The following LRP1B variants were observed in gnomAD, a reference collection of about 807,000 sequenced individuals.
LRP1B encodes the protein LDL receptor related protein 1B, also known as low-density lipoprotein receptor-related protein 1B.
In LRP1B, 217 loss-of-function variants were observed where a neutral mutation model predicts 556.6. The ratio of observed to expected loss-of-function variants is 0.39; its 90% CI spans 0.35 to 0.44. The LOEUF (loss-of-function observed/expected upper bound fraction) is 0.44. Ranked by LOEUF, LRP1B falls within the 20% of genes least tolerant of loss-of-function variation. The pLI, the probability that LRP1B is intolerant of heterozygous loss-of-function variation, is 1.00. For synonymous variants in LRP1B, 2,047 were observed against 1,865.8 expected, an observed-to-expected ratio of 1.10 and a Z score of -2.50; for missense variants, 5,053 against 5,620.8, an observed-to-expected ratio of 0.90 and a Z score of 3.23.
At position 140,848,863 on chromosome 2, in the gene LRP1B, T is replaced by C. The variant is rs760501254; in HGVS notation, c.4939+1239A>G. Among the ~76,000 whole-genome samples, 65 of 152,144 alleles carry C rather than the reference T, an allele frequency of 4.3e-4. 1 individual carries two copies. The highest frequency in any genetic ancestry group is 6.5e-4 in the Non-Finnish European group (44 of 68,022). On this transcript the variant is annotated intron_variant, in intron 29 of 90. Coordinates refer to ENST00000389484, the MANE Select transcript of LRP1B (RefSeq NM_018557.3). ...AAAAATTTAGAACTCCACCATGACA[T>C]GTACATGTATGTCTCACTTCATATA...
At chr2:141,441,459 C>A (rs1213907016) in intron 3 of LRP1B, among the ~76,000 whole-genome samples, 1 of 152,206 alleles carries the variant, frequency 6.6e-6, no homozygotes, top group Non-Finnish European at 1.5e-5. Context: ...AACTTAGAAG[C>A]ACACTTAAAC....
intron 1 of LRP1B, among the ~76,000 whole-genome samples, chr2:142,119,076 A>C (rs182250335): frequency 1.4e-4 from 22 of 152,244 alleles, no homozygotes; most frequent in Admixed American, 1.2e-3. Context: ...ACAACAAATA[A>C]ATTAGTTGAG....
chr2:141,316,878 T>C (rs1687055491), intron 3 of LRP1B, among the ~76,000 whole-genome samples: 2 of 152,218 alleles, frequency 1.3e-5, no homozygotes, highest in African/African-American at 2.4e-5. Flanking sequence ...GAGTTCACAG[T>C]TAAGTACTAG....
At chr2:141,563,313 G>GGGAAATATCTACATAGAAGTGAGATT (rs1686226742) in intron 2 of LRP1B, among the ~76,000 whole-genome samples, 1 of 151,926 alleles carries the variant, frequency 6.6e-6, no homozygotes, top group Non-Finnish European at 1.5e-5. Flanking sequence ...CTTTTGAAAT[G>GGGAAATATCTACATAGAAGTGAGATT]GGAAATATCT....
chr2:141,115,894 C>A (rs772699462), intron 7 of LRP1B, among the ~76,000 whole-genome samples: 2 of 152,114 alleles, frequency 1.3e-5, no homozygotes, highest in Non-Finnish European at 2.9e-5. Flanking sequence ...TGGGTTGATT[C>A]ACAGTCTTCT....
At chr2:140,964,376 A>G (rs1696132829) in intron 18 of LRP1B, among the ~76,000 whole-genome samples, 1 of 152,058 alleles carries the variant, frequency 6.6e-6, no homozygotes, top group African/African-American at 2.4e-5. Flanking sequence ...GAGGTGGAGG[A>G]GCAGAGTCTT....
chr2:141,512,982 C>T (rs10167487), intron 2 of LRP1B, among the ~76,000 whole-genome samples: 148,288 of 152,220 alleles, frequency 0.97, 72,341 homozygotes, highest in East Asian at 1. Flanking sequence ...CTCCTAAAAC[C>T]ATCAAAATAA....
At chr2:142,125,833 C>G (rs372925833) in intron 1 of LRP1B, among the ~76,000 whole-genome samples, 7 of 151,890 alleles carry the variant, frequency 4.6e-5, no homozygotes, top group East Asian at 1.9e-4. Context: ...TACTCTCCCC[C>G]CTCCTCTGCC....
intron 2 of LRP1B, among the ~76,000 whole-genome samples, chr2:141,663,920 C>CAAAAAA (rs796406816): frequency 8.8e-6 from 1 of 113,314 alleles, no homozygotes; most frequent in Non-Finnish European, 1.9e-5. Context: ...AGAGATACAT[C>CAAAAAA]AAAAAAAAAA....
intron 7 of LRP1B, among the ~76,000 whole-genome samples, chr2:141,177,434 T>A (rs1410153880): frequency 6.6e-6 from 1 of 152,130 alleles, no homozygotes; most frequent in Non-Finnish European, 1.5e-5. Context: ...ATTGGGTAAC[T>A]ATAAATGGAA....
chr2:141,120,485 T>C (rs1220462617), intron 7 of LRP1B, among the ~76,000 whole-genome samples: 1 of 151,914 alleles, frequency 6.6e-6, no homozygotes, highest in Non-Finnish European at 1.5e-5. Flanking sequence ...TAAGGCAATT[T>C]CAATGCAAAA....
At chr2:141,247,110 G>C in intron 5 of LRP1B, 116 bp downstream of exon 5, 2 of 1,169,126 alleles carry the variant, frequency 1.7e-6, no homozygotes, top group Non-Finnish European at 2.5e-6. Flanking sequence ...TAAAATGAAA[G>C]CAAATCTCTC....
intron 43 of LRP1B, among the ~76,000 whole-genome samples, chr2:140,587,647 A>G (rs1682039573): frequency 6.6e-6 from 1 of 152,188 alleles, no homozygotes; most frequent in South Asian, 2.1e-4. Context: ...AACTTTGGAG[A>G]TAAATAGCAC....
chr2:142,073,606 A>G (rs1470434610), intron 1 of LRP1B, among the ~76,000 whole-genome samples: 1 of 152,034 alleles, frequency 6.6e-6, no homozygotes, highest in Non-Finnish European at 1.5e-5. Flanking sequence ...GTTTTTATGT[A>G]AATCATTCTG....
chr2:141,919,944 A>T (rs1189621956), intron 1 of LRP1B, among the ~76,000 whole-genome samples: 2 of 151,970 alleles, frequency 1.3e-5, no homozygotes, highest in Non-Finnish European at 2.9e-5. Flanking sequence ...TTTTCTCTTT[A>T]TCTCCCTCTC....
chr2:141,951,832 G>A (rs1054444026), intron 1 of LRP1B, among the ~76,000 whole-genome samples: 5 of 152,026 alleles, frequency 3.3e-5, no homozygotes, highest in African/African-American at 1.2e-4. Context: ...TAAAAGTTCA[G>A]AAGAATTTTT....
intron 1 of LRP1B, among the ~76,000 whole-genome samples, chr2:141,907,346 G>A (rs1454161395): frequency 6.6e-6 from 1 of 151,732 alleles, no homozygotes; most frequent in African/African-American, 2.4e-5. Context: ...TTGATACTTA[G>A]AGAATTTAAT....
At chr2:140,781,955 T>A (rs1263714104) in intron 32 of LRP1B, among the ~76,000 whole-genome samples, 1 of 152,232 alleles carries the variant, frequency 6.6e-6, no homozygotes, top group Non-Finnish European at 1.5e-5. Context: ...GGATCCTGTC[T>A]TGTAATTCTT....
intron 21 of LRP1B, among the ~76,000 whole-genome samples, chr2:140,919,739 T>A (rs895063835): frequency 2.0e-5 from 3 of 152,096 alleles, no homozygotes; most frequent in African/African-American, 7.2e-5. Flanking sequence ...ATCTCCTTTA[T>A]TTTATCCTGT....
Sources: allele counts gnomAD v4.1 joint callset (sites outside exome capture counted in the v4.1 genomes callset), GRCh38; gene constraint gnomAD v4.1.1; transcripts MANE v1.5; gene names NCBI Gene and HGNC (gene_info 2026-07-23, HGNC 2026-07-21).